The following SULF1 variants were observed in gnomAD, a reference collection of about 807,000 sequenced individuals.
The protein encoded by SULF1 is sulfatase 1.
SULF1 carries 46 observed loss-of-function variants against 110.5 expected under a neutral mutation model. That is an observed-to-expected ratio of 0.42 (90% CI 0.33 to 0.53). The LOEUF (loss-of-function observed/expected upper bound fraction) is 0.53, where lower values mean the gene tolerates loss of function less well. Among genes scored for constraint, SULF1 ranks in the 20% least tolerant of loss-of-function variants. The pLI is 0.12. For synonymous variants in SULF1, 371 were observed against 387.1 expected (o/e 0.96, Z 0.49); for missense variants, 941 against 1,094.2 (o/e 0.86, Z 1.98).
At chr8:69,624,805 G>A (rs1267324052) in intron 15 of SULF1, among the ~76,000 whole-genome samples, 1 of 152,212 alleles carries the variant, frequency 6.6e-6, no homozygotes, top group Non-Finnish European at 1.5e-5. Flanking sequence ...TCCCTCATAA[G>A]TTTAATGAAC....
At chr8:69,636,797 C>T (rs1294026259) in intron 19 of SULF1, among the ~76,000 whole-genome samples, 4 of 152,060 alleles carry the variant, frequency 2.6e-5, no homozygotes, top group African/African-American at 4.8e-5. Context: ...TTCTGTTGAC[C>T]GATGCCGGCT....
chr8:69,603,214 A>G lies in SULF1; in HGVS notation c.1084A>G (p.Ile362Val), dbSNP rs1187122196. The G allele has an allele frequency of 7.4e-6, 12 of 1,614,068 alleles. No homozygotes were observed. The East Asian group carries it at 1.3e-4, about 18-fold the overall frequency. Reference protein sequence around the residue: ...GSIVPQIVLNIDLAPTILDIA... With the variant: ...GSIVPQIVLNVDLAPTILDIA... ...CAGAGTCCCACAGATCGTTCTCAACATTGACTTGGCCCCCACGATCCTGGA... is the reference window on the plus strand; with the variant it reads ...CAGAGTCCCACAGATCGTTCTCAACGTTGACTTGGCCCCCACGATCCTGGA... Residue 362 changes from isoleucine to valine, a missense_variant, in exon 11 of 23, where the codon ATT becomes GTT. By Grantham distance (29) the Ile-to-Val change is conservative (BLOSUM62 3). Coordinates refer to ENST00000402687, the MANE Select transcript of SULF1 (RefSeq NM_001128205.2).
chr8:69,557,911 T>G (rs1815221541), intron 3 of SULF1, among the ~76,000 whole-genome samples: 1 of 152,192 alleles, frequency 6.6e-6, no homozygotes, highest in African/African-American at 2.4e-5. Context: ...GGAAGAGGAT[T>G]TATTATTGGA....
At chr8:69,642,472 C>T (rs2130694104) in intron 22 of SULF1, 1 of 849,522 alleles carries the variant, frequency 1.2e-6, no homozygotes, top group South Asian at 5.4e-5. Flanking sequence ...CACACCAACC[C>T]TGTGTCACTC....
intron 3 of SULF1, among the ~76,000 whole-genome samples, chr8:69,526,487 C>G (rs962914880): frequency 9.3e-5 from 14 of 151,308 alleles, no homozygotes; most frequent in African/African-American, 3.4e-4. Flanking sequence ...GCAGGCCAGG[C>G]ATAGTAGCTC....
At chr8:69,548,340 CA>C (rs1814430714) in intron 3 of SULF1, among the ~76,000 whole-genome samples, 1 of 152,074 alleles carries the variant, frequency 6.6e-6, no homozygotes. Flanking sequence ...TAAGGAATTT[CA>C]AACAATGTTG....
chr8:69,569,613 T>G (rs1199918213), intron 5 of SULF1, among the ~76,000 whole-genome samples: 1 of 152,176 alleles, frequency 6.6e-6, no homozygotes, highest in Non-Finnish European at 1.5e-5. Flanking sequence ...CTATCAAAGG[T>G]AAAACAACAA....
intron 22 of SULF1, among the ~76,000 whole-genome samples, chr8:69,653,012 C>CA (rs1812465443): frequency 6.6e-6 from 1 of 152,192 alleles, no homozygotes. Context: ...TTTTCCTGAG[C>CA]AACTACGTTT....
chr8:69,556,878 C>T (rs923466532), intron 3 of SULF1, among the ~76,000 whole-genome samples: 1 of 152,082 alleles, frequency 6.6e-6, no homozygotes, highest in Non-Finnish European at 1.5e-5. Context: ...GTATTAAGCC[C>T]AGCATCCATT....
intron 3 of SULF1, among the ~76,000 whole-genome samples, chr8:69,526,431 A>ATTGACT (rs1481961713): frequency 6.6e-6 from 1 of 152,068 alleles, no homozygotes; most frequent in Non-Finnish European, 1.5e-5. Flanking sequence ...ATTTTTAAAA[A>ATTGACT]ATCTTCCATT....
chr8:69,499,107 C>A (rs1810609400), intron 2 of SULF1, among the ~76,000 whole-genome samples: 1 of 152,140 alleles, frequency 6.6e-6, no homozygotes, highest in Admixed American at 6.5e-5. Flanking sequence ...AATCTGCCCG[C>A]CTCGGCCTCC....
chr8:69,551,260 TA>T (rs996045397), intron 3 of SULF1, among the ~76,000 whole-genome samples: 11 of 152,338 alleles, frequency 7.2e-5, no homozygotes, highest in Admixed American at 2.0e-4. Flanking sequence ...AACCTATCTT[TA>T]AGCTTAGCAG....
At chr8:69,618,347 C>G (rs553334044) in intron 13 of SULF1, among the ~76,000 whole-genome samples, 28 of 152,162 alleles carry the variant, frequency 1.8e-4, no homozygotes, top group Non-Finnish European at 3.4e-4. Context: ...TGTATTGAAC[C>G]TGCATAAACT....
At chr8:69,569,860 G>C (rs1430691774) in intron 5 of SULF1, among the ~76,000 whole-genome samples, 1 of 150,004 alleles carries the variant, frequency 6.7e-6, no homozygotes, top group Non-Finnish European at 1.5e-5. Flanking sequence ...TCCCCCTTTG[G>C]TTTTAGGTAA....
At chr8:69,578,420 G>A (rs1805780785) in intron 6 of SULF1, among the ~76,000 whole-genome samples, 1 of 151,784 alleles carries the variant, frequency 6.6e-6, no homozygotes, top group Non-Finnish European at 1.5e-5. Flanking sequence ...AGTTACATAT[G>A]TATACATGTG....
chr8:69,491,924 G>A (rs567572257), upstream of SULF1, among the ~76,000 whole-genome samples: 4 of 152,276 alleles, frequency 2.6e-5, 1 homozygote, highest in South Asian at 8.3e-4. Flanking sequence ...TGGGGGAGGC[G>A]GGATTTGAAC....
intron 7 of SULF1, among the ~76,000 whole-genome samples, chr8:69,586,953 C>G (rs181629814): frequency 6.6e-6 from 1 of 152,208 alleles, no homozygotes; most frequent in Non-Finnish European, 1.5e-5. Flanking sequence ...TTTGAAAAAC[C>G]ACATTCCTTG....
At chr8:69,650,992 C>T (rs1812291545) in intron 22 of SULF1, among the ~76,000 whole-genome samples, 1 of 151,528 alleles carries the variant, frequency 6.6e-6, no homozygotes, top group African/African-American at 2.4e-5. Flanking sequence ...CATATAGATC[C>T]TTTTGATGGA....
intron 1 of SULF1, among the ~76,000 whole-genome samples, chr8:69,480,662 A>G (rs905311406): frequency 3.3e-5 from 5 of 152,184 alleles, no homozygotes; most frequent in Admixed American, 6.5e-5. Flanking sequence ...TCATTATTAG[A>G]TTATAAATGT....
Sources: gnomAD v4.1 joint callset for allele counts (sites outside exome capture counted in the v4.1 genomes callset) on GRCh38, gnomAD v4.1.1 for gene constraint, MANE v1.5 for transcripts, NCBI Gene and HGNC (gene_info 2026-07-23, HGNC 2026-07-21) for gene names.